Variants in SAP130 observed in about 807,000 individuals in gnomAD.
SAP130 encodes the protein histone deacetylase complex subunit SAP130.
A neutral mutation model predicts 103.2 loss-of-function variants in SAP130; 16 were observed. The observed-to-expected ratio is 0.16, with a 90% CI of 0.10 to 0.24. SAP130 has a LOEUF of 0.24. SAP130 is among the 10% of genes least tolerant of loss of function. The pLI, the probability that SAP130 is intolerant of heterozygous loss-of-function variation, is 1.00. For missense variants in SAP130, 990 were observed against 1,359.7 expected, an observed-to-expected ratio of 0.73 and a Z score of 4.28; for synonymous variants, 477 against 497.0, an observed-to-expected ratio of 0.96 and a Z score of 0.53.
intron 15 of SAP130, among the ~76,000 whole-genome samples, chr2:127,957,156 G>C (rs1233808352): frequency 6.6e-6 from 1 of 151,946 alleles, no homozygotes; most frequent in Non-Finnish European, 1.5e-5. Context: ...TTTTTAATTA[G>C]CCAGGTGCAC....
intron 14 of SAP130, among the ~76,000 whole-genome samples, chr2:127,982,395 G>A (rs1682014900): frequency 6.6e-6 from 1 of 152,190 alleles, no homozygotes; most frequent in South Asian, 2.1e-4. Context: ...CATAGAGCTT[G>A]TCTAGAGGAA....
intron 6 of SAP130, 22 bp from the exon 7 acceptor site, chr2:128,010,415 T>C: frequency 6.3e-7 from 1 of 1,595,352 alleles, no homozygotes; most frequent in Non-Finnish European, 8.5e-7. Flanking sequence ...GAAAAAACAG[T>C]TCATTTAAAA....
intron 2 of SAP130, among the ~76,000 whole-genome samples, chr2:128,023,727 A>T (rs1044865848): frequency 1.3e-4 from 20 of 152,304 alleles, no homozygotes; most frequent in Middle Eastern, 3.4e-3. Flanking sequence ...CAGTGAGCCG[A>T]GATCATGCTA....
At chr2:128,007,586 T>C (rs994998041) in intron 7 of SAP130, among the ~76,000 whole-genome samples, 2 of 152,220 alleles carry the variant, frequency 1.3e-5, no homozygotes, top group Non-Finnish European at 2.9e-5. Context: ...TTCTGTCTCT[T>C]TGTACCTCAG....
chr2:127,944,981 G>A (rs1291642617), intron 19 of SAP130, among the ~76,000 whole-genome samples: 3 of 151,916 alleles, frequency 2.0e-5, no homozygotes, highest in Admixed American at 2.0e-4. Context: ...TGTGTGACTG[G>A]CTTATCTGAG....
At chr2:127,975,829 G>A (rs962850882) in intron 15 of SAP130, among the ~76,000 whole-genome samples, 4 of 152,070 alleles carry the variant, frequency 2.6e-5, no homozygotes, top group Admixed American at 2.0e-4. Flanking sequence ...CAGAAGTTAC[G>A]CCGGCAAAAA....
At chr2:127,982,025 C>T (rs1187487767) in intron 14 of SAP130, among the ~76,000 whole-genome samples, 3 of 152,138 alleles carry the variant, frequency 2.0e-5, no homozygotes, top group Non-Finnish European at 4.4e-5. Context: ...GTTTCTTGAC[C>T]TATACAGTGG....
Position 127,950,239 on chromosome 2 carries a change from G to A in SAP130, c.2592C>T (p.Ser864=). The change falls in exon 17 of 21, where the codon AGC becomes AGT. Residue 864 remains serine (S), a synonymous_variant. Transcript: ENST00000643581. The stretch of plus-strand genomic sequence containing the variant: ...TGGCAGTGGACTTCTCATCATCAGT[G>A]CTGTTTGTCTCCATCATGTCACCTT... ...TEEGDMMETN[S]TDDEKSTAKS... is the part of the protein sequence containing the mutation. 6.2e-7 allele frequency: 1 copy of A among 1,614,184 alleles called. No individual in the cohort carries two copies. Among genetic ancestry groups the A allele is most frequent in the Non-Finnish European group, 8.5e-7 (1 of 1,180,026 alleles).
chr2:128,023,523 T>C (rs1439417122), intron 2 of SAP130, among the ~76,000 whole-genome samples: 2 of 152,146 alleles, frequency 1.3e-5, no homozygotes, highest in Non-Finnish European at 2.9e-5. Context: ...CTCATGCCTG[T>C]AATCTCAGCA....
chr2:127,976,092 C>T (rs963948562), intron 15 of SAP130, among the ~76,000 whole-genome samples: 8 of 152,144 alleles, frequency 5.3e-5, no homozygotes, highest in Non-Finnish European at 8.8e-5. Flanking sequence ...GTGATCTGCC[C>T]GCCTCGGCCT....
chr2:127,947,747 T>TG (rs1364272914), intron 18 of SAP130, among the ~76,000 whole-genome samples: 1 of 150,166 alleles, frequency 6.7e-6, no homozygotes, highest in East Asian at 2.0e-4. Flanking sequence ...TGTGAATTAA[T>TG]TTTGTATTGT....
intron 4 of SAP130, 61 bp downstream of exon 4, chr2:128,016,328 A>C: frequency 6.5e-7 from 1 of 1,536,806 alleles, no homozygotes; most frequent in South Asian, 1.2e-5. Context: ...GCATTCAATA[A>C]ATCATGATCA....
At chr2:127,959,968 A>G (rs1381312671) in intron 15 of SAP130, among the ~76,000 whole-genome samples, 1 of 152,184 alleles carries the variant, frequency 6.6e-6, no homozygotes, top group African/African-American at 2.4e-5. Flanking sequence ...ATTGAGCACT[A>G]CAGCCTCCAA....
In SAP130 at chr2:127,993,326, G is replaced by A; in HGVS notation, c.1356-18C>T. On this transcript the variant is annotated intron_variant, in intron 11 of 20. Coordinates refer to ENST00000643581, the MANE Select transcript of SAP130 (RefSeq NM_001330301.2). ...CAGACGGTCTAGAGACAGAACAGAT[G>A]ATAGCAAACAAAATAGTCATTTTCT... 1 of 1,588,682 alleles carries A rather than the reference G, an allele frequency of 6.3e-7. No individual in the cohort carries two copies. Among genetic ancestry groups the A allele is most frequent in the Non-Finnish European group, 8.6e-7 (1 of 1,168,828 alleles).
Position 127,942,473 on chromosome 2 carries a change from T to C in SAP130, c.2966A>G (p.Lys989Arg), listed in dbSNP as rs750187923. Residue 989 changes from lysine to arginine, a missense_variant, in exon 20 of 21, where the codon AAA becomes AGA. Around this residue, in one of 6 missense-constraint regions of SAP130, gnomAD observed 69 missense variants for 165.7 expected, o/e 0.42. Coordinates refer to ENST00000643581, the MANE Select transcript of SAP130 (RefSeq NM_001330301.2). This position sits in a 1 kb window ranked among gnomAD's most constrained non-coding sequence, Gnocchi z 4.8. ...TNLQEGIIPK[K>R]KAATDDDLHR... ...GAGATCATCATCTGTTGCTGCTTTT[T>C]TCTTTGGGATAATCCCTTCCTGCAG... 6.2e-7 allele frequency: 1 copy of C among 1,614,146 alleles called. No individual in the cohort carries two copies. Among genetic ancestry groups the C allele is most frequent in the Non-Finnish European group, 8.5e-7 (1 of 1,179,972 alleles).
At position 127,988,761 on chromosome 2, in the gene SAP130, G is replaced by T. The variant is rs144352416; in HGVS notation, c.1780+803C>A. 4.5e-3 allele frequency among the ~76,000 whole-genome samples: 689 copies of T among 152,158 alleles called. 6 individuals carry two copies. The highest frequency in any genetic ancestry group is 0.016 in the African/African-American group (646 of 41,488). On this transcript the variant is annotated intron_variant, in intron 13 of 20. Coordinates refer to ENST00000643581, the MANE Select transcript of SAP130 (RefSeq NM_001330301.2). ...GTTACTCAGGCGGCTGAGGTGGGAG[G>T]ATCACTTGAGCCCAGGAGGATGAGG... is the stretch of plus-strand genomic sequence containing the variant.
rs144437296 is a variant in SAP130, at chr2:127,977,766, G to A, written c.2063+219C>T. 3.4e-4 allele frequency among the ~76,000 whole-genome samples: 52 copies of A among 152,250 alleles called. 1 individual carries two copies. The South Asian group carries it at 6.4e-3, about 19-fold the overall frequency. On this transcript the variant is annotated intron_variant, in intron 15 of 20. Transcript: ENST00000643581. ...TTGGGAGTGGTGGCACACGTCTATA[G>A]TCCCAGCTACTCAAGAGGCTGAGGC... is the stretch of plus-strand genomic sequence containing the variant.
At chr2:127,981,128 C>T (rs1383455609) in intron 14 of SAP130, among the ~76,000 whole-genome samples, 1 of 152,002 alleles carries the variant, frequency 6.6e-6, no homozygotes, top group Non-Finnish European at 1.5e-5. Context: ...TCACAGCTAC[C>T]CGAGGGCAAA....
At chr2:127,988,621 G>T (rs1682566801) in intron 13 of SAP130, among the ~76,000 whole-genome samples, 2 of 151,604 alleles carry the variant, frequency 1.3e-5, no homozygotes, top group Non-Finnish European at 2.9e-5. Flanking sequence ...AGGCCAAAGT[G>T]AGTAGACTAC....
Sources: gnomAD v4.1 joint callset for allele counts (sites outside exome capture counted in the v4.1 genomes callset) on GRCh38, gnomAD v4.1.1 for gene constraint, gnomAD v4.1.1 regional missense constraint, Gnocchi (gnomAD v3.1) non-coding constraint, MANE v1.5 for transcripts, NCBI Gene and HGNC (gene_info 2026-07-23, HGNC 2026-07-21) for gene names.